Variants in DLG2 observed in about 807,000 individuals in gnomAD.
The protein encoded by DLG2 is disks large homolog 2.
In DLG2, 45 loss-of-function variants were observed where a neutral mutation model predicts 132.5. The observed-to-expected ratio is 0.34, with a 90% confidence interval of 0.27 to 0.44. DLG2 has a LOEUF of 0.44. Among genes scored for constraint, DLG2 ranks in the 20% least tolerant of loss-of-function variants. The pLI is 1.00. For synonymous variants in DLG2, 424 were observed against 419.6 expected, an observed-to-expected ratio of 1.01 and a Z score of -0.13; for missense variants, 1,045 against 1,196.9, an observed-to-expected ratio of 0.87 and a Z score of 1.87.
At chr11:84,214,551 G>C (rs1011693696) in intron 8 of DLG2, among the ~76,000 whole-genome samples, 14 of 151,902 alleles carry the variant, frequency 9.2e-5, no homozygotes, top group Non-Finnish European at 1.8e-4. Flanking sequence ...TCAGAAACTT[G>C]AGATGAAGAA....
At chr11:84,656,264 G>A (rs1382989273) in intron 6 of DLG2, among the ~76,000 whole-genome samples, 1 of 152,082 alleles carries the variant, frequency 6.6e-6, no homozygotes, top group East Asian at 1.9e-4. Context: ...CAATCTTTCT[G>A]AAGTATTCAG....
intron 10 of DLG2, among the ~76,000 whole-genome samples, chr11:84,098,421 G>C (rs1449183418): frequency 6.6e-6 from 1 of 152,046 alleles, no homozygotes; most frequent in Non-Finnish European, 1.5e-5. Context: ...TTCCCACTTA[G>C]ATTTGTAGGG....
intron 4 of DLG2, among the ~76,000 whole-genome samples, chr11:85,247,799 C>A (rs1269557940): frequency 6.6e-6 from 1 of 151,978 alleles, no homozygotes; most frequent in Non-Finnish European, 1.5e-5. Context: ...TAGACTAGCT[C>A]ATCATTTTCC....
chr11:85,379,732 A>G (rs1182756616), intron 3 of DLG2, among the ~76,000 whole-genome samples: 2 of 152,202 alleles, frequency 1.3e-5, no homozygotes, highest in South Asian at 2.1e-4. Flanking sequence ...ATTGGCAATG[A>G]TATTATAGAG....
At chr11:85,474,349 TATC>T (rs2093074927) in intron 3 of DLG2, among the ~76,000 whole-genome samples, 1 of 152,006 alleles carries the variant, frequency 6.6e-6, no homozygotes, top group Non-Finnish European at 1.5e-5. Flanking sequence ...GTATATATCT[TATC>T]ATATAGACTC....
At chr11:84,450,681 T>C (rs1365902821) in intron 7 of DLG2, among the ~76,000 whole-genome samples, 1 of 151,834 alleles carries the variant, frequency 6.6e-6, no homozygotes, top group Non-Finnish European at 1.5e-5. Context: ...TGTCCTAGAC[T>C]GAGTTCAAAT....
intron 12 of DLG2, among the ~76,000 whole-genome samples, chr11:83,972,269 A>G (rs71465572): frequency 0.043 from 6,617 of 152,276 alleles, 200 homozygotes; most frequent in Non-Finnish European, 0.067. Context: ...AATTTAAGTC[A>G]GTTAACATAT....
intron 7 of DLG2, among the ~76,000 whole-genome samples, chr11:84,435,873 A>G (rs1602081701): frequency 6.6e-6 from 1 of 152,094 alleles, no homozygotes; most frequent in East Asian, 1.9e-4. Flanking sequence ...TTCTTTGCAT[A>G]CTAATTTGGC....
At chr11:84,698,791 C>T (rs75458746) in intron 6 of DLG2, among the ~76,000 whole-genome samples, 11,101 of 140,626 alleles carry the variant, frequency 0.079, 1,232 homozygotes, top group African/African-American at 0.25. Context: ...TATACTGTTG[C>T]GTTTTTTTTG....
At chr11:85,060,733 T>G (rs1457563332) in intron 6 of DLG2, among the ~76,000 whole-genome samples, 2 of 151,718 alleles carry the variant, frequency 1.3e-5, no homozygotes, top group Non-Finnish European at 3.0e-5. Flanking sequence ...AATTAAATTT[T>G]TTATTTTTTT....
At chr11:84,292,922 A>G (rs1299038920) in intron 7 of DLG2, among the ~76,000 whole-genome samples, 1 of 152,194 alleles carries the variant, frequency 6.6e-6, no homozygotes, top group Non-Finnish European at 1.5e-5. Context: ...AAAAAACAAA[A>G]AAAAATTGCA....
chr11:84,716,379 T>C (rs2061228601), intron 6 of DLG2, among the ~76,000 whole-genome samples: 1 of 152,122 alleles, frequency 6.6e-6, no homozygotes, highest in African/African-American at 2.4e-5. Flanking sequence ...TATTCTTTTA[T>C]GTTTGTATGT....
At chr11:84,359,663 G>C (rs1447440202) in intron 7 of DLG2, among the ~76,000 whole-genome samples, 1 of 151,774 alleles carries the variant, frequency 6.6e-6, no homozygotes, top group Admixed American at 6.6e-5. Flanking sequence ...CAAAAACAGT[G>C]CTTATTACAC....
intron 6 of DLG2, among the ~76,000 whole-genome samples, chr11:84,660,273 G>T (rs149610339): frequency 2.6e-4 from 40 of 152,230 alleles, no homozygotes; most frequent in African/African-American, 9.6e-4. Context: ...TGAGTGTAAA[G>T]GTCAGACTTC....
chr11:85,543,771 TG>T (rs1328865905), intron 3 of DLG2, among the ~76,000 whole-genome samples: 5 of 152,252 alleles, frequency 3.3e-5, no homozygotes, highest in Non-Finnish European at 7.3e-5. Context: ...GTTTGTCGTC[TG>T]CATAAATGTC....
At chr11:84,542,056 C>G (rs547711482) in intron 6 of DLG2, among the ~76,000 whole-genome samples, 5 of 152,114 alleles carry the variant, frequency 3.3e-5, no homozygotes, top group African/African-American at 9.6e-5. Context: ...AAACAAAAAT[C>G]TGAGTTTACC....
At chr11:84,591,080 C>T (rs1481893150) in intron 6 of DLG2, among the ~76,000 whole-genome samples, 1 of 152,138 alleles carries the variant, frequency 6.6e-6, no homozygotes, top group Non-Finnish European at 1.5e-5. Flanking sequence ...ATCTTTCATC[C>T]TCTGCTCCCT....
At chr11:84,386,899 T>TTTGCCTTTA (rs1396219017) in intron 7 of DLG2, among the ~76,000 whole-genome samples, 7 of 152,166 alleles carry the variant, frequency 4.6e-5, no homozygotes, top group Non-Finnish European at 1.0e-4. Flanking sequence ...TCCTACGCTA[T>TTTGCCTTTA]TTGCCTTTAT....
At chr11:83,698,531 C>T (rs1467120303) in intron 18 of DLG2, among the ~76,000 whole-genome samples, 1 of 152,142 alleles carries the variant, frequency 6.6e-6, no homozygotes, top group Non-Finnish European at 1.5e-5. Context: ...TATAGAGAAA[C>T]CTAGCCTGGA....
Sources: gnomAD v4.1 joint callset for allele counts (sites outside exome capture counted in the v4.1 genomes callset) on GRCh38, gnomAD v4.1.1 for gene constraint, MANE v1.5 for transcripts, NCBI Gene and HGNC (gene_info 2026-07-23, HGNC 2026-07-21) for gene names.